Variants in PCDHA2 observed in about 807,000 individuals in gnomAD.
PCDHA2 encodes protocadherin alpha-2.
In PCDHA2, 58 loss-of-function variants were observed where a neutral mutation model predicts 66.0. The ratio of observed to expected loss-of-function variants is 0.88; its 90% CI spans 0.71 to 1.09. The LOEUF (loss-of-function observed/expected upper bound fraction) is 1.09. Among genes scored for constraint, PCDHA2 ranks in the 50% least tolerant of loss-of-function variants. PCDHA2 has a pLI of 0.00. For synonymous variants in PCDHA2, 634 were observed against 554.0 expected, an observed-to-expected ratio of 1.14 and a Z score of -2.03; for missense variants, 1,267 against 1,242.3, an observed-to-expected ratio of 1.02 and a Z score of -0.30.
chr5:140,994,281 G>T (rs2097610222), intron 3 of PCDHA2, among the ~76,000 whole-genome samples: 1 of 152,144 alleles, frequency 6.6e-6, no homozygotes. Flanking sequence ...CCTTTCTTGA[G>T]ACAGTCCCCA....
chr5:140,877,850 A>C (rs782804856), intron 1 of PCDHA2: 1 of 1,546,004 alleles, frequency 6.5e-7, no homozygotes, highest in South Asian at 1.3e-5. Context: ...GTAAGTTATT[A>C]ATATTATTTA....
chr5:140,852,319 C>T (rs2150515438), intron 1 of PCDHA2: 6 of 325,372 alleles, frequency 1.8e-5, no homozygotes, highest in Non-Finnish European at 2.8e-5. Context: ...TTTCTGCCAC[C>T]CAGGCTGGAG....
At chr5:140,809,226 C>T (rs1425817282) in intron 1 of PCDHA2, 1 of 1,613,974 alleles carries the variant, frequency 6.2e-7, no homozygotes, top group African/African-American at 1.3e-5. Flanking sequence ...AAGGCCTCCT[C>T]ACGGGCGTTG....
chr5:140,834,153 T>C, intron 1 of PCDHA2: 1 of 535,142 alleles, frequency 1.9e-6, no homozygotes, highest in East Asian at 3.0e-5. Context: ...TTGTAATGGT[T>C]TGTAATTCTT....
chr5:140,817,277 G>A (rs146326021), intron 1 of PCDHA2: 61 of 152,396 alleles, frequency 4.0e-4, no homozygotes, highest in African/African-American at 1.4e-3. Context: ...ATGGAACTGT[G>A]CTGCTGGATG....
intron 1 of PCDHA2, chr5:140,803,661 G>A (rs1554122919): frequency 6.2e-7 from 1 of 1,607,224 alleles, no homozygotes; most frequent in South Asian, 1.1e-5. Flanking sequence ...CACTCCTCTG[G>A]AAATACATTA....
At chr5:140,958,867 T>C (rs1312043891) in intron 1 of PCDHA2, among the ~76,000 whole-genome samples, 1 of 152,146 alleles carries the variant, frequency 6.6e-6, no homozygotes, top group Non-Finnish European at 1.5e-5. Context: ...ACTGGGTTTA[T>C]AAAAGAATTG....
intron 1 of PCDHA2, among the ~76,000 whole-genome samples, chr5:140,897,430 C>A (rs1297820601): frequency 6.7e-6 from 1 of 148,618 alleles, no homozygotes; most frequent in East Asian, 2.0e-4. Flanking sequence ...TGAGTGAGAA[C>A]ATGCAGTGTT....
At chr5:140,877,736 G>A (rs979836328) in intron 1 of PCDHA2, 22 of 1,614,170 alleles carry the variant, frequency 1.4e-5, no homozygotes, top group East Asian at 2.2e-5. Flanking sequence ...CAGCAGAGGA[G>A]GCAGAGGGTG....
chr5:140,967,858 G>C lies in PCDHA2; in HGVS notation c.2389-11091G>C, dbSNP rs2096190865. ...TGGACGTGAATGACAATGCCCCAGA[G>C]GTGGTGCTCACGGACCTGTATAGCC... On this transcript the variant is annotated intron_variant, in intron 1 of 3. Coordinates refer to ENST00000526136, the MANE Select transcript of PCDHA2 (RefSeq NM_018905.3). 6 of 1,614,166 alleles carry C rather than the reference G, an allele frequency of 3.7e-6. No homozygotes were observed. The East Asian group carries it at 1.3e-4, about 36-fold the overall frequency.
At chr5:140,930,553 A>C (rs1252554591) in intron 1 of PCDHA2, 1 of 152,562 alleles carries the variant, frequency 6.6e-6, no homozygotes, top group Non-Finnish European at 1.5e-5. Flanking sequence ...TTAGGACAAC[A>C]TTTTGAAGCA....
intron 1 of PCDHA2, among the ~76,000 whole-genome samples, chr5:140,819,989 T>C (rs920355948): frequency 1.3e-5 from 2 of 152,044 alleles, no homozygotes; most frequent in Non-Finnish European, 2.9e-5. Flanking sequence ...GTGTATTTTG[T>C]ATAAAATTCT....
intron 1 of PCDHA2, chr5:140,929,684 A>C: frequency 3.4e-6 from 1 of 294,182 alleles, no homozygotes; most frequent in Non-Finnish European, 6.5e-6. Flanking sequence ...AATATGTAAG[A>C]GTCTGCTTTA....
chr5:140,848,883 C>G, intron 1 of PCDHA2: 1 of 1,591,194 alleles, frequency 6.3e-7, no homozygotes, highest in Non-Finnish European at 8.6e-7. Context: ...TAACGACAAC[C>G]CTCCAGTGTT....
intron 1 of PCDHA2, chr5:140,835,083 GACA>G: frequency 1.1e-5 from 14 of 1,222,014 alleles, no homozygotes; most frequent in Non-Finnish European, 1.6e-5. Context: ...CACGGTACTG[GACA>G]ACAATGACAA....
At chr5:140,808,728 G>A (rs559957887) in intron 1 of PCDHA2, 1 of 1,612,192 alleles carries the variant, frequency 6.2e-7, no homozygotes, top group East Asian at 2.2e-5. Context: ...CATGCGGAGA[G>A]CGGCAAGGTG....
chr5:140,900,618 C>A (rs1382793608), intron 1 of PCDHA2, among the ~76,000 whole-genome samples: 1 of 152,180 alleles, frequency 6.6e-6, no homozygotes, highest in Non-Finnish European at 1.5e-5. Context: ...ATGTAGATTG[C>A]TTCCAAATCT....
At chr5:140,914,016 G>A (rs1344982730) in intron 1 of PCDHA2, among the ~76,000 whole-genome samples, 2 of 152,140 alleles carry the variant, frequency 1.3e-5, no homozygotes, top group Non-Finnish European at 2.9e-5. Flanking sequence ...CTTTGAGAAT[G>A]ATCCACGTGC....
rs150299243 is a variant in PCDHA2 at position 140,796,831 on chromosome 5, C to T, written c.1867C>T (p.Arg623Cys). The T allele has an allele frequency of 6.2e-7, 1 of 1,614,132 alleles. No homozygotes were observed. Among genetic ancestry groups the T allele is most frequent in the Non-Finnish European group, 8.5e-7 (1 of 1,179,988 alleles). The change falls in exon 1 of 4, where the codon CGC (arginine) becomes TGC (cysteine). Residue 623 changes from arginine to cysteine, a missense_variant. Transcript: ENST00000526136. The stretch of plus-strand genomic sequence containing the variant: ...TACTGGCAGCGCTCGCATCCCGTTC[C>T]GCGTGGGGCTATACACGGGTGAGAT... Reference protein sequence around the residue: ...LGTGSARIPFRVGLYTGEIST... With the variant: ...LGTGSARIPFCVGLYTGEIST...
Sources: gnomAD v4.1 joint callset for allele counts (sites outside exome capture counted in the v4.1 genomes callset) on GRCh38, gnomAD v4.1.1 for gene constraint, MANE v1.5 for transcripts, NCBI Gene and HGNC (gene_info 2026-07-23, HGNC 2026-07-21) for gene names.